MARCHF10: variants seen among roughly 807,000 people sequenced by gnomAD.
MARCHF10 encodes probable E3 ubiquitin-protein ligase MARCHF10.
MARCHF10 carries 64 observed loss-of-function variants against 76.2 expected under a neutral mutation model. That is an observed-to-expected ratio of 0.84 (90% CI 0.69 to 1.03). MARCHF10 has a LOEUF of 1.03. MARCHF10 is among the 50% of genes least tolerant of loss of function. The pLI is 0.00. For synonymous variants in MARCHF10, 340 were observed against 357.5 expected (o/e 0.95, Z 0.55); for missense variants, 875 against 958.0 (o/e 0.91, Z 1.14).
At chr17:62,762,305 T>G (rs1016648545) in intron 3 of MARCHF10, among the ~76,000 whole-genome samples, 1 of 152,240 alleles carries the variant, frequency 6.6e-6, no homozygotes, top group Non-Finnish European at 1.5e-5. Flanking sequence ...TGTGAATACA[T>G]CCTTCTCTGG....
intron 3 of MARCHF10, among the ~76,000 whole-genome samples, chr17:62,768,801 C>T (rs2092387949): frequency 1.3e-5 from 2 of 152,166 alleles, no homozygotes; most frequent in African/African-American, 4.8e-5. Flanking sequence ...TCCTGCAATG[C>T]CACAATACCA....
intron 3 of MARCHF10, among the ~76,000 whole-genome samples, chr17:62,765,957 C>T (rs765419577): frequency 3.9e-5 from 6 of 151,908 alleles, no homozygotes; most frequent in South Asian, 2.1e-4. Flanking sequence ...AATCCCAGCA[C>T]GGTAGGAGGC....
chr17:62,705,632 T>G, intron 9 of MARCHF10, 51 bp from the exon 10 acceptor site: 1 of 1,607,150 alleles, frequency 6.2e-7, no homozygotes, highest in Non-Finnish European at 8.5e-7. Flanking sequence ...AATACGATTG[T>G]GAACAGATGT....
intron 6 of MARCHF10, among the ~76,000 whole-genome samples, chr17:62,731,855 A>G (rs1004911563): frequency 6.6e-5 from 10 of 152,216 alleles, no homozygotes; most frequent in Admixed American, 2.0e-4. Context: ...AATTGACATA[A>G]CACTGTAAGA....
intron 1 of MARCHF10, among the ~76,000 whole-genome samples, chr17:62,803,922 A>G (rs2148226115): frequency 6.6e-6 from 1 of 152,326 alleles, no homozygotes; most frequent in South Asian, 2.1e-4. Context: ...CCAGCACTAG[A>G]TCTCTATTTC....
intron 5 of MARCHF10, 121 bp downstream of exon 5, chr17:62,744,255 G>T: frequency 9.0e-7 from 1 of 1,105,272 alleles, no homozygotes. Flanking sequence ...TCATTTTAAG[G>T]TACATGCACC....
In MARCHF10 at chr17:62,736,828, C is replaced by A. The variant is rs1447122436; in HGVS notation, c.1040G>T (p.Ser347Ile). The change falls in exon 6 of 11, where the codon AGT becomes ATT. Residue 347 changes from serine to isoleucine, a missense_variant. By Grantham distance (142) the Ser-to-Ile change is moderately radical. Transcript: ENST00000311269. ...ENCRGHSSRR[S>I]EPSHGSLRIS... ...TCTCAATGAGCCATGACTGGGCTCA[C>A]TTCTTCTTGAAGAATGACCTCTGCA... 1 of 1,614,010 alleles carries A rather than the reference C, an allele frequency of 6.2e-7. No homozygotes were observed. Among genetic ancestry groups the A allele is most frequent in the African/African-American group, 1.3e-5 (1 of 75,026 alleles).
chr17:62,715,903 G>A (rs1477441803), intron 8 of MARCHF10, among the ~76,000 whole-genome samples: 3 of 152,204 alleles, frequency 2.0e-5, no homozygotes, highest in Non-Finnish European at 4.4e-5. Context: ...AACGTGCTCT[G>A]ACGGGAGCCC....
chr17:62,741,717 G>A (rs761236188), intron 5 of MARCHF10, among the ~76,000 whole-genome samples: 2 of 151,888 alleles, frequency 1.3e-5, no homozygotes, highest in African/African-American at 2.4e-5. Context: ...TTTTTTGTGA[G>A]ACAGAGTCTC....
chr17:62,784,934 A>C (rs2092721341), intron 3 of MARCHF10, among the ~76,000 whole-genome samples: 1 of 152,234 alleles, frequency 6.6e-6, no homozygotes, highest in African/African-American at 2.4e-5. Flanking sequence ...AATATCATGA[A>C]AATTGGCCAT....
Position 62,747,147 on chromosome 17 carries a change from G to C in MARCHF10, c.383-2619C>G, listed in dbSNP as rs553774112. On this transcript the variant is annotated intron_variant, in intron 4 of 10. Coordinates refer to ENST00000311269, the MANE Select transcript of MARCHF10 (RefSeq NM_152598.4). Reference sequence around the variant, plus strand: ...ACACGTTGCCTCATACTGCTGTGCAGGACAAGTATTAATTGCCTTGTCGTG... The same window carrying C: ...ACACGTTGCCTCATACTGCTGTGCACGACAAGTATTAATTGCCTTGTCGTG... 1.8e-4 allele frequency among the ~76,000 whole-genome samples: 27 copies of C among 152,180 alleles called. 1 individual carries two copies. Among genetic ancestry groups the C allele is most frequent in the Non-Finnish European group, 1.0e-4 (7 of 68,042 alleles).
At chr17:62,771,090 C>A (rs562486331) in intron 3 of MARCHF10, among the ~76,000 whole-genome samples, 4 of 152,194 alleles carry the variant, frequency 2.6e-5, no homozygotes, top group Non-Finnish European at 4.4e-5. Flanking sequence ...CTCCTGACCT[C>A]ATGATCCAGC....
intron 3 of MARCHF10, among the ~76,000 whole-genome samples, chr17:62,779,363 T>A (rs1411114953): frequency 2.0e-5 from 3 of 152,114 alleles, no homozygotes; most frequent in Non-Finnish European, 2.9e-5. Flanking sequence ...ATGGAACACA[T>A]ATGCCACATC....
At chr17:62,734,556 T>C (rs540014770) in intron 6 of MARCHF10, among the ~76,000 whole-genome samples, 11 of 152,330 alleles carry the variant, frequency 7.2e-5, no homozygotes, top group East Asian at 3.9e-4. Flanking sequence ...TTAAGGCATA[T>C]TGGAAAATAA....
rs891032636 is a variant in MARCHF10, at chr17:62,738,906, G to A, written c.536-1574C>T. On this transcript the variant is annotated intron_variant, in intron 5 of 10. Transcript: ENST00000311269. This position sits in a 1 kb window ranked among gnomAD's most constrained non-coding sequence, Gnocchi z 4.0. ...GAGCATCTGGCTGTGGAACTACAGCGCTGGAGCTGGTGGCGAGGCCACTCC... is the reference window on the plus strand; with the variant it reads ...GAGCATCTGGCTGTGGAACTACAGCACTGGAGCTGGTGGCGAGGCCACTCC... 6.6e-5 allele frequency among the ~76,000 whole-genome samples: 10 copies of A among 152,226 alleles called. No individual in the cohort carries two copies. The highest frequency in any genetic ancestry group is 4.6e-4 in the Admixed American group (7 of 15,286).
At chr17:62,780,585 G>A (rs879448059) in intron 3 of MARCHF10, among the ~76,000 whole-genome samples, 6 of 152,122 alleles carry the variant, frequency 3.9e-5, no homozygotes, top group Non-Finnish European at 7.4e-5. Flanking sequence ...GAGTCCTGGT[G>A]ACCTGGAATC....
chr17:62,795,356 CAAAA>C (rs61564298), intron 2 of MARCHF10, among the ~76,000 whole-genome samples: 9 of 52,944 alleles, frequency 1.7e-4, no homozygotes, highest in Admixed American at 5.2e-4. Flanking sequence ...ATCATTTGAT[CAAAA>C]AAAAAAAAAA....
Position 62,701,377 on chromosome 17 carries a change from G to T in MARCHF10, c.*326C>A, listed in dbSNP as rs1376396411. The T allele has an allele frequency of 2.4e-6, 1 of 423,636 alleles. No individual in the cohort carries two copies. Among genetic ancestry groups the T allele is most frequent in the Non-Finnish European group, 4.3e-6 (1 of 230,030 alleles). The allele number at this position is 423,636 out of a possible 1,614,324, so 26.2% of individuals were successfully genotyped here. A position where few individuals can be genotyped will look rare whatever the true frequency, so the allele number is the denominator to read the frequency against. ...TCGAGTCCATTCAGGGTGGAGTGAG[G>T]CCTGGCAGGTGCCCTCAGCAGTGGG... On this transcript the variant is annotated 3_prime_UTR_variant, in exon 11 of 11. Coordinates refer to ENST00000311269, the MANE Select transcript of MARCHF10 (RefSeq NM_152598.4).
intron 3 of MARCHF10, among the ~76,000 whole-genome samples, chr17:62,763,150 G>A (rs921835268): frequency 2.6e-5 from 4 of 152,266 alleles, no homozygotes; most frequent in South Asian, 4.1e-4. Context: ...CCCAGCAAGC[G>A]CCATGCAAGT....
Sources: allele counts gnomAD v4.1 joint callset (sites outside exome capture counted in the v4.1 genomes callset), GRCh38; gene constraint gnomAD v4.1.1; non-coding constraint Gnocchi (gnomAD v3.1); transcripts MANE v1.5; gene names NCBI Gene and HGNC (gene_info 2026-07-23, HGNC 2026-07-21).